Variants in APLF observed in about 807,000 individuals in gnomAD.
APLF encodes the protein aprataxin and PNK-like factor.
APLF carries 61 observed loss-of-function variants against 55.6 expected under a neutral mutation model. That is an observed-to-expected ratio of 1.10 (90% confidence interval 0.89 to 1.36). The LOEUF is 1.36. APLF is among the 40% of genes most tolerant of loss of function. The probability of loss-of-function intolerance (pLI) is 0.00; values close to 1 mark genes in which losing one functional copy is unlikely to be tolerated. For synonymous variants in APLF, 207 were observed against 214.8 expected, an observed-to-expected ratio of 0.96 and a Z score of 0.32; for missense variants, 611 against 602.5, an observed-to-expected ratio of 1.01 and a Z score of -0.15.
At chr2:68,528,930 A>T (rs1670162773) in intron 6 of APLF, 2 of 1,518,414 alleles carry the variant, frequency 1.3e-6, no homozygotes, top group Non-Finnish European at 1.8e-6. Context: ...CCATTGCTAC[A>T]GGGGCCCCTT....
At chr2:68,507,905 CTAAG>C (rs1301099620) in intron 3 of APLF, among the ~76,000 whole-genome samples, 6 of 151,370 alleles carry the variant, frequency 4.0e-5, no homozygotes, top group African/African-American at 7.3e-5. Context: ...TGTTGAAAAT[CTAAG>C]TATGTAGATT....
At chr2:68,509,905 C>G (rs1353015154) in intron 3 of APLF, among the ~76,000 whole-genome samples, 2 of 151,898 alleles carry the variant, frequency 1.3e-5, no homozygotes, top group Admixed American at 1.3e-4. Flanking sequence ...AGGATGAGTT[C>G]ATGTCCTTTG....
intron 1 of APLF, among the ~76,000 whole-genome samples, chr2:68,481,260 T>C (rs889375089): frequency 2.0e-5 from 3 of 152,194 alleles, no homozygotes; most frequent in African/African-American, 7.2e-5. Flanking sequence ...AAGTATTTCT[T>C]GTAGGGCTTG....
intron 5 of APLF, among the ~76,000 whole-genome samples, chr2:68,523,545 C>T (rs868284969): frequency 1.6e-4 from 24 of 151,694 alleles, no homozygotes; most frequent in Admixed American, 3.9e-4. Context: ...GAGAAATATA[C>T]GCATGCAATA....
intron 7 of APLF, among the ~76,000 whole-genome samples, chr2:68,540,884 GACTT>G (rs1365608975): frequency 2.6e-5 from 4 of 152,206 alleles, no homozygotes; most frequent in African/African-American, 7.2e-5. Context: ...AAACTTGAAA[GACTT>G]ACATGACCAG....
At chr2:68,484,988 A>AT (rs1358199232) in intron 1 of APLF, among the ~76,000 whole-genome samples, 2 of 151,724 alleles carry the variant, frequency 1.3e-5, no homozygotes, top group African/African-American at 4.9e-5. Flanking sequence ...GTGTGCGCAC[A>AT]TTTTTTTCTT....
At position 68,577,894 on chromosome 2, in the gene APLF, G is replaced by A. The variant is rs1209265285; in HGVS notation, c.1408G>A (p.Asp470Asn). Reference sequence around the variant, plus strand: ...GTATGACCTGAACGACAGCTTTCTAGATGATGAGGAAGAAGACTATGAGCC... The same window carrying A: ...GTATGACCTGAACGACAGCTTTCTAAATGATGAGGAAGAAGACTATGAGCC... ...NEYDLNDSFLDDEEEDYEPTD... is the reference protein window; with the variant it reads ...NEYDLNDSFLNDEEEDYEPTD... The change falls in exon 10 of 10, where the codon GAT becomes AAT. Residue 470 changes from aspartate (D) to asparagine (N), a missense_variant. Physicochemically the swap from Asp to Asn is conservative, Grantham distance 23. Transcript: ENST00000303795. The A allele has an allele frequency of 2.5e-6, 4 of 1,613,470 alleles. No homozygotes were observed. Among genetic ancestry groups the A allele is most frequent in the Non-Finnish European group, 3.4e-6 (4 of 1,179,682 alleles).
chr2:68,563,328 T>C, intron 8 of APLF: 1 of 984,138 alleles, frequency 1.0e-6, no homozygotes, highest in South Asian at 4.7e-5. Context: ...TCTTCCTTTT[T>C]GGAATAATTA....
At chr2:68,562,171 T>C (rs1382411874) in intron 8 of APLF, among the ~76,000 whole-genome samples, 3 of 152,004 alleles carry the variant, frequency 2.0e-5, no homozygotes, top group African/African-American at 7.2e-5. Context: ...GTATCACTTA[T>C]ATGTGGAATC....
rs141651901 is a variant in APLF, at chr2:68,490,187, T to C, written c.97-3T>C. ...TTAATCTTTTAATTTTTTTACTGTA[T>C]AGATAACAGACAAGAGAGTATCCAG... On this transcript the variant is annotated splice_region_variant and splice_polypyrimidine_tract_variant and intron_variant, in intron 1 of 9. Transcript: ENST00000303795. 4 of 1,600,798 alleles carry C rather than the reference T, an allele frequency of 2.5e-6. No homozygotes were observed. Among genetic ancestry groups the C allele is most frequent in the Non-Finnish European group, 3.4e-6 (4 of 1,175,960 alleles).
intron 8 of APLF, among the ~76,000 whole-genome samples, chr2:68,561,769 A>G (rs1002122950): frequency 6.6e-6 from 1 of 152,100 alleles, no homozygotes; most frequent in African/African-American, 2.4e-5. Context: ...AAGAATAGCC[A>G]TTCCCTGGAA....
At chr2:68,513,292 AC>A in intron 4 of APLF, 65 bp downstream of exon 4, 2 of 1,508,604 alleles carry the variant, frequency 1.3e-6, no homozygotes, top group Non-Finnish European at 1.8e-6. Flanking sequence ...GGCAGAAAAG[AC>A]AACTGAAATT....
chr2:68,570,059 C>G (rs1165672531), intron 9 of APLF, among the ~76,000 whole-genome samples: 1 of 151,948 alleles, frequency 6.6e-6, no homozygotes, highest in Non-Finnish European at 1.5e-5. Flanking sequence ...TGTAATACCC[C>G]TAAAACACTT....
At chr2:68,512,454 C>T (rs1448244691) in intron 3 of APLF, among the ~76,000 whole-genome samples, 1 of 151,784 alleles carries the variant, frequency 6.6e-6, no homozygotes, top group Non-Finnish European at 1.5e-5. Context: ...TGGATCATGT[C>T]TATGCATACA....
intron 1 of APLF, among the ~76,000 whole-genome samples, chr2:68,476,122 G>A (rs79175002): frequency 0.026 from 3,877 of 151,876 alleles, 66 homozygotes; most frequent in South Asian, 0.042. Flanking sequence ...GGAAAGCACT[G>A]TAAATTGTGA....
At chr2:68,528,961 G>T in intron 6 of APLF, 2 of 1,526,866 alleles carry the variant, frequency 1.3e-6, no homozygotes, top group Non-Finnish European at 1.8e-6. Flanking sequence ...CCTGCTCCTG[G>T]GTCTGTACCT....
chr2:68,515,665 G>A (rs1669559918), intron 5 of APLF: 2 of 983,738 alleles, frequency 2.0e-6, no homozygotes. Flanking sequence ...CATTGGTCTG[G>A]AATATCGCAT....
intron 7 of APLF, among the ~76,000 whole-genome samples, chr2:68,540,735 G>A (rs965150664): frequency 9.2e-5 from 14 of 151,938 alleles, no homozygotes; most frequent in Non-Finnish European, 1.9e-4. Context: ...GTTTAAAGCA[G>A]TCTTTATCAG....
intron 4 of APLF, 23 bp from the exon 5 acceptor site, chr2:68,513,525 G>T: frequency 6.2e-7 from 1 of 1,602,334 alleles, no homozygotes. Flanking sequence ...ATTATTTTTA[G>T]TAATTTATAG....
Sources: allele counts gnomAD v4.1 joint callset (sites outside exome capture counted in the v4.1 genomes callset), GRCh38; gene constraint gnomAD v4.1.1; transcripts MANE v1.5; gene names NCBI Gene and HGNC (gene_info 2026-07-23, HGNC 2026-07-21).